The following PCDHA5 variants were observed in gnomAD, a reference collection of about 807,000 sequenced individuals.
PCDHA5 encodes protocadherin alpha 5.
A neutral mutation model predicts 61.6 loss-of-function variants in PCDHA5; 43 were observed. The observed-to-expected ratio is 0.70, with a 90% CI of 0.55 to 0.90. PCDHA5 has a LOEUF of 0.90. PCDHA5 is among the 40% of genes least tolerant of loss of function. PCDHA5 has a pLI of 0.00. For missense variants in PCDHA5, 1,298 were observed against 1,222.7 expected (o/e 1.06, Z -0.92); for synonymous variants, 627 against 543.9 (o/e 1.15, Z -2.13).
intron 1 of PCDHA5, among the ~76,000 whole-genome samples, chr5:140,911,760 A>G (rs1295639313): frequency 6.6e-6 from 1 of 151,962 alleles, no homozygotes; most frequent in African/African-American, 2.4e-5. Flanking sequence ...TCTCCATACT[A>G]TTAGAAGTAC....
In PCDHA5 at chr5:140,997,052, G is replaced by A. The variant is rs1410360967; in HGVS notation, c.2501-12575G>A. On this transcript the variant is annotated intron_variant, in intron 3 of 3. Transcript: ENST00000529859. ...AAATTAATGAACTTTACTTTTTAGAGCAGTTTTAGGTTCACAGGAAAGTTG... is the reference window on the plus strand; with the variant it reads ...AAATTAATGAACTTTACTTTTTAGAACAGTTTTAGGTTCACAGGAAAGTTG... Among the ~76,000 whole-genome samples, 5 of 152,148 alleles carry A rather than the reference G, an allele frequency of 3.3e-5. No homozygotes were observed. The East Asian group carries it at 9.6e-4, about 29-fold the overall frequency.
intron 1 of PCDHA5, among the ~76,000 whole-genome samples, chr5:140,890,847 C>A (rs2062829860): frequency 1.3e-5 from 2 of 152,148 alleles, no homozygotes. Flanking sequence ...AGTTTTGTTT[C>A]TCTTCCTTAC....
chr5:140,940,361 A>T (rs1396183629), intron 1 of PCDHA5, among the ~76,000 whole-genome samples: 1 of 152,210 alleles, frequency 6.6e-6, no homozygotes, highest in Non-Finnish European at 1.5e-5. Flanking sequence ...TGCTATTAAA[A>T]GTATTCCTTG....
At chr5:140,824,356 T>C in intron 1 of PCDHA5, 1 of 579,334 alleles carries the variant, frequency 1.7e-6, no homozygotes. Context: ...TAATATTTTA[T>C]ATTAGCATTT....
intron 1 of PCDHA5, chr5:140,882,695 G>T: frequency 6.2e-7 from 1 of 1,614,192 alleles, no homozygotes; most frequent in Non-Finnish European, 8.5e-7. Flanking sequence ...AATAATCATT[G>T]CAGAATCTAG....
At chr5:140,956,933 A>G (rs1243678543) in intron 1 of PCDHA5, among the ~76,000 whole-genome samples, 1 of 151,594 alleles carries the variant, frequency 6.6e-6, no homozygotes, top group Non-Finnish European at 1.5e-5. Flanking sequence ...TGGATATAGG[A>G]TAAAATTTAC....
chr5:140,954,505 A>G (rs1011072156), intron 1 of PCDHA5, among the ~76,000 whole-genome samples: 2 of 152,082 alleles, frequency 1.3e-5, no homozygotes, highest in Non-Finnish European at 2.9e-5. Flanking sequence ...TTTGATTTGC[A>G]TTTACCTAAT....
chr5:140,875,143 G>A (rs2055292608), intron 1 of PCDHA5, among the ~76,000 whole-genome samples: 1 of 152,174 alleles, frequency 6.6e-6, no homozygotes, highest in Non-Finnish European at 1.5e-5. Context: ...ATTTATAAAT[G>A]ATCCGTGAAA....
At chr5:140,877,536 T>A (rs1402880820) in intron 1 of PCDHA5, 1 of 1,613,730 alleles carries the variant, frequency 6.2e-7, no homozygotes, top group Non-Finnish European at 8.5e-7. Flanking sequence ...GCGCTGTGGA[T>A]CCCGAAGCGG....
At chr5:140,978,914 C>T (rs2096828574) in intron 1 of PCDHA5, 35 bp from the exon 2 acceptor site, 5 of 1,613,852 alleles carry the variant, frequency 3.1e-6, no homozygotes, top group Non-Finnish European at 3.4e-6. Flanking sequence ...ATTGTCTTGT[C>T]ATTTTAACAG....
chr5:140,920,908 T>G (rs1333150217), intron 1 of PCDHA5, among the ~76,000 whole-genome samples: 1 of 151,136 alleles, frequency 6.6e-6, no homozygotes, highest in Non-Finnish European at 1.5e-5. Context: ...GGTTCTCAAA[T>G]CAGTTCCAAG....
chr5:140,982,488 G>C lies in PCDHA5; in HGVS notation c.2425G>C (p.Glu809Gln), dbSNP rs782419098. 3 of 1,614,212 alleles carry C rather than the reference G, an allele frequency of 1.9e-6. No individual in the cohort carries two copies. Among genetic ancestry groups the C allele is most frequent in the Non-Finnish European group, 2.5e-6 (3 of 1,180,036 alleles). The change falls in exon 3 of 4, where the codon GAG becomes CAG. Residue 809 changes from glutamate to glutamine, a missense_variant. Glu to Gln is a conservative substitution (Grantham distance 29). Coordinates refer to ENST00000529859, the MANE Select transcript of PCDHA5 (RefSeq NM_018908.3). ...RAGMHSSVHLEEAGILRAGPG... is the reference protein window; with the variant it reads ...RAGMHSSVHLQEAGILRAGPG... The stretch of plus-strand genomic sequence containing the variant: ...GTGTTTATTCAGCTCTGTGCACCTA[G>C]AGGAGGCTGGCATTCTACGGGCTGG...
At chr5:140,900,667 G>A (rs557447526) in intron 1 of PCDHA5, among the ~76,000 whole-genome samples, 12 of 152,222 alleles carry the variant, frequency 7.9e-5, no homozygotes, top group Non-Finnish European at 1.6e-4. Flanking sequence ...CAATGGGAGT[G>A]CAGTTATCTC....
intron 1 of PCDHA5, chr5:140,829,321 C>T (rs1770227307): frequency 6.2e-7 from 1 of 1,614,262 alleles, no homozygotes; most frequent in South Asian, 1.1e-5. Flanking sequence ...TGGTGCTGGA[C>T]AGTGCCCTGG....
chr5:140,922,093 C>T (rs1037802949), intron 1 of PCDHA5, among the ~76,000 whole-genome samples: 6 of 151,986 alleles, frequency 3.9e-5, no homozygotes, highest in Middle Eastern at 3.4e-3. Flanking sequence ...GTATTTCTAC[C>T]AACTATAGAT....
intron 1 of PCDHA5, chr5:140,858,649 AT>A: frequency 1.2e-6 from 1 of 824,582 alleles, no homozygotes; most frequent in East Asian, 2.7e-5. Flanking sequence ...TGGTACTTAA[AT>A]TTTTTTAAAT....
chr5:140,971,857 T>G (rs1312639660), intron 1 of PCDHA5, among the ~76,000 whole-genome samples: 12 of 152,198 alleles, frequency 7.9e-5, no homozygotes, highest in African/African-American at 2.9e-4. Flanking sequence ...TAAATATTTG[T>G]TAACATCTAG....
At chr5:140,940,101 G>A (rs754155361) in intron 1 of PCDHA5, among the ~76,000 whole-genome samples, 23 of 152,148 alleles carry the variant, frequency 1.5e-4, no homozygotes, top group Non-Finnish European at 3.2e-4. Flanking sequence ...AACTTTTAGC[G>A]TTATGTATTA....
At position 140,868,867 on chromosome 5, in the gene PCDHA5, G is replaced by A. The variant is rs532271305; in HGVS notation, c.2352+44740G>A. ...GAAATTCTGTGGTGGTAAATGCAGT[G>A]CACAGTACTCACAGTTTTAGGCGCA... On this transcript the variant is annotated intron_variant, in intron 1 of 3. Coordinates refer to ENST00000529859, the MANE Select transcript of PCDHA5 (RefSeq NM_018908.3). The A allele has an allele frequency of 2.8e-4, 173 of 611,220 alleles. 1 individual carries two copies. In the South Asian group the frequency reaches 3.9e-3, roughly 14 times the overall value. 37.9% of individuals were successfully genotyped at this position (611,220 alleles called of 1,614,324 possible).
Sources: allele counts gnomAD v4.1 joint callset (sites outside exome capture counted in the v4.1 genomes callset), GRCh38; gene constraint gnomAD v4.1.1; transcripts MANE v1.5; gene names NCBI Gene and HGNC (gene_info 2026-07-23, HGNC 2026-07-21).